The following BLOC1S4 variants were observed in gnomAD, a reference collection of about 807,000 sequenced individuals.
The protein encoded by BLOC1S4 is biogenesis of lysosome-related organelles complex 1 subunit 4.
For synonymous variants in BLOC1S4, 179 were observed against 143.7 expected, an observed-to-expected ratio of 1.25 and a Z score of -1.76; for missense variants, 332 against 308.8, an observed-to-expected ratio of 1.07 and a Z score of -0.56.
chr4:6,717,592 G>T lies in BLOC1S4; in HGVS notation c.*729G>T. On this transcript the variant is annotated 3_prime_UTR_variant, in exon 1 of 1. Transcript: ENST00000320776. ...GTGTGTGTATATATATATGTGGGTT[G>T]CCAATGTTTGGTTTATAATTTAAAT... The T allele has an allele frequency of 6.0e-6, 1 of 166,408 alleles. No individual in the cohort carries two copies. The allele number at this position is 166,408 out of a possible 1,614,324, so 10.3% of individuals were successfully genotyped here.
In BLOC1S4 at chr4:6,716,245, G is replaced by A; in HGVS notation, c.36G>A (p.Pro12=). 3.2e-6 allele frequency: 4 copies of A among 1,234,138 alleles called. No homozygotes were observed. The highest frequency in any genetic ancestry group is 4.0e-6 in the Non-Finnish European group (4 of 988,060). 76.4% of individuals were successfully genotyped at this position (1,234,138 alleles called of 1,614,324 possible). A position where few individuals can be genotyped will look rare whatever the true frequency, so the allele number is the denominator to read the frequency against. ...EGSFSDGGAL[P]EGLAEEAEPQ... ...GCTTTTCGGATGGCGGAGCGCTGCC[G>A]GAGGGGCTCGCGGAAGAGGCCGAGC... Residue 12 remains proline (P), a synonymous_variant, in exon 1 of 1, where the codon CCG becomes CCA. Transcript: ENST00000320776.
rs552057035 is a variant in BLOC1S4 at position 6,717,044 on chromosome 4, C to A, written c.*181C>A. On this transcript the variant is annotated 3_prime_UTR_variant, in exon 1 of 1. Transcript: ENST00000320776. Reference sequence around the variant, plus strand: ...GTAGAATGTATAGACTTTATGTCTTCCAAGTTTAAAAAAAGAGACAGGGTC... The same window carrying A: ...GTAGAATGTATAGACTTTATGTCTTACAAGTTTAAAAAAAGAGACAGGGTC... 8 of 616,216 alleles carry A rather than the reference C, an allele frequency of 1.3e-5. No individual in the cohort carries two copies. The South Asian group carries it at 1.6e-4, about 12-fold the overall frequency. 38.2% of individuals were successfully genotyped at this position (616,216 alleles called of 1,614,324 possible). A position where few individuals can be genotyped will look rare whatever the true frequency, so the allele number is the denominator to read the frequency against.
Position 6,716,871 on chromosome 4 carries a change from A to G in BLOC1S4, c.*8A>G. 1.3e-6 allele frequency: 2 copies of G among 1,577,912 alleles called. No individual in the cohort carries two copies. Among genetic ancestry groups the G allele is most frequent in the Admixed American group, 3.5e-5 (2 of 57,114 alleles). ...GAAAGGCCTCAGCTCTGACGGCCTG[A>G]CCACTGCGGCAAGAGGACCCCAGCT... On this transcript the variant is annotated 3_prime_UTR_variant, in exon 1 of 1. Coordinates refer to ENST00000320776, the MANE Select transcript of BLOC1S4 (RefSeq NM_018366.3).
At position 6,716,390 on chromosome 4, in the gene BLOC1S4, C is replaced by T; in HGVS notation, c.181C>T (p.Leu61Phe). ...DGAPGRDLPL[L>F]RRAAAGYAAC... ...CGCGCCGGGCCGCGACCTGCCGCTG[C>T]TTCGCCGCGCCGCTGCGGGCTACGC... The change falls in exon 1 of 1, where the codon CTT becomes TTT. Residue 61 changes from leucine to phenylalanine, a missense_variant. Physicochemically the swap from Leu to Phe is conservative, Grantham distance 22 (BLOSUM62 0). Coordinates refer to ENST00000320776, the MANE Select transcript of BLOC1S4 (RefSeq NM_018366.3). The T allele has an allele frequency of 2.4e-6, 3 of 1,250,882 alleles. No individual in the cohort carries two copies. The highest frequency in any genetic ancestry group is 3.0e-6 in the Non-Finnish European group (3 of 1,000,906). The allele number at this position is 1,250,882 out of a possible 1,614,324, so 77.5% of individuals were successfully genotyped here.
chr4:6,716,326 C>A lies in BLOC1S4; in HGVS notation c.117C>A (p.Ser39Arg). Residue 39 changes from serine to arginine, a missense_variant, in exon 1 of 1, where the codon AGC (serine) becomes AGA (arginine). Physicochemically the swap from Ser to Arg is moderately radical, Grantham distance 110. Transcript: ENST00000320776. ...DSGTVSQSHS[S>R]ASGPWEDEGA... ...GCACTGTTTCCCAGAGCCACAGCAG[C>A]GCCTCGGGGCCGTGGGAGGACGAGG... 1 of 1,233,684 alleles carries A rather than the reference C, an allele frequency of 8.1e-7. No homozygotes were observed. Among genetic ancestry groups the A allele is most frequent in the African/African-American group, 1.6e-5 (1 of 64,330 alleles). The allele number at this position is 1,233,684 out of a possible 1,614,324, so 76.4% of individuals were successfully genotyped here.
chr4:6,717,045 C>T lies in BLOC1S4; in HGVS notation c.*182C>T. 2 of 606,106 alleles carry T rather than the reference C, an allele frequency of 3.3e-6. No individual in the cohort carries two copies. Among genetic ancestry groups the T allele is most frequent in the Non-Finnish European group, 5.6e-6 (2 of 359,360 alleles). The allele number at this position is 606,106 out of a possible 1,614,324, so 37.5% of individuals were successfully genotyped here. On this transcript the variant is annotated 3_prime_UTR_variant, in exon 1 of 1. Coordinates refer to ENST00000320776, the MANE Select transcript of BLOC1S4 (RefSeq NM_018366.3). ...TAGAATGTATAGACTTTATGTCTTC[C>T]AAGTTTAAAAAAAGAGACAGGGTCT...
chr4:6,716,874 A>T lies in BLOC1S4; in HGVS notation c.*11A>T. ...AGGCCTCAGCTCTGACGGCCTGACCACTGCGGCAAGAGGACCCCAGCTGGG... is the reference window on the plus strand; with the variant it reads ...AGGCCTCAGCTCTGACGGCCTGACCTCTGCGGCAAGAGGACCCCAGCTGGG... On this transcript the variant is annotated 3_prime_UTR_variant, in exon 1 of 1. Coordinates refer to ENST00000320776, the MANE Select transcript of BLOC1S4 (RefSeq NM_018366.3). 1.3e-6 allele frequency: 2 copies of T among 1,574,960 alleles called. No homozygotes were observed.
At position 6,716,649 on chromosome 4, in the gene BLOC1S4, G is replaced by A. The variant is rs774664307; in HGVS notation, c.440G>A (p.Gly147Asp). 21 of 1,609,714 alleles carry A rather than the reference G, an allele frequency of 1.3e-5. No homozygotes were observed. The Middle Eastern group carries it at 8.2e-4, about 63-fold the overall frequency. The part of the protein sequence containing the change: ...RLEAFVRMVG[G>D]RVARMEEQVT... ...GAGGCCTTCGTGAGGATGGTGGGGG[G>A]CCGCGTGGCCAGGATGGAGGAGCAG... The change falls in exon 1 of 1, where the codon GGC becomes GAC. Residue 147 changes from glycine (G) to aspartate (D), a missense_variant. Transcript: ENST00000320776.
rs1714922591 is a variant in BLOC1S4 at position 6,716,812 on chromosome 4, G to T, written c.603G>T (p.Leu201=). The T allele has an allele frequency of 6.2e-7, 1 of 1,613,056 alleles. No homozygotes were observed. Among genetic ancestry groups the T allele is most frequent in the Non-Finnish European group, 8.5e-7 (1 of 1,179,218 alleles). The change falls in exon 1 of 1, where the codon CTG becomes CTT. Residue 201 remains leucine (L), a synonymous_variant. Transcript: ENST00000320776. ...PQQAGYEAPV[L]FRTEDYFPCC... is the part of the protein sequence containing the mutation. ...AAGCCGGCTACGAAGCCCCCGTCCT[G>T]TTTCGGACCGAAGACTACTTCCCTT...
rs773805871 is a variant in BLOC1S4 at position 6,716,546 on chromosome 4, G to GTCGTCA, written c.338_343dup (p.Val114_Ser115insIleVal). ...CATGCTTCGCGGCGACTCGTCCCAC[G>GTCGTCA]TCGTCAGCGAGGGCGTGCCGCGCAT... On this transcript the variant is annotated inframe_insertion, in exon 1 of 1. Transcript: ENST00000320776. The GTCGTCA allele has an allele frequency of 2.6e-5, 41 of 1,564,520 alleles. No homozygotes were observed. The highest frequency in any genetic ancestry group is 3.4e-5 in the Non-Finnish European group (40 of 1,160,000).
rs1328099903 is a variant in BLOC1S4 at position 6,716,998 on chromosome 4, G to A, written c.*135G>A. 2 of 780,156 alleles carry A rather than the reference G, an allele frequency of 2.6e-6. No individual in the cohort carries two copies. Among genetic ancestry groups the A allele is most frequent in the Admixed American group, 3.0e-5 (1 of 33,750 alleles). 48.3% of individuals were successfully genotyped at this position (780,156 alleles called of 1,614,324 possible). ...AAAGTTTACTTTCTACAAACTCTCCGTAGTATATTCATGATTCAGTGTAGA... is the reference window on the plus strand; with the variant it reads ...AAAGTTTACTTTCTACAAACTCTCCATAGTATATTCATGATTCAGTGTAGA... On this transcript the variant is annotated 3_prime_UTR_variant, in exon 1 of 1. Transcript: ENST00000320776.
In BLOC1S4 at chr4:6,716,564, C is replaced by G; in HGVS notation, c.355C>G (p.Pro119Ala). 1 of 1,580,544 alleles carries G rather than the reference C, an allele frequency of 6.3e-7. No individual in the cohort carries two copies. The highest frequency in any genetic ancestry group is 1.1e-5 in the South Asian group (1 of 87,826). The change falls in exon 1 of 1, where the codon CCG (proline) becomes GCG (alanine). Residue 119 changes from proline to alanine, a missense_variant. Pro to Ala is a conservative substitution (Grantham distance 27). Coordinates refer to ENST00000320776, the MANE Select transcript of BLOC1S4 (RefSeq NM_018366.3). ...DSSHVVSEGV[P>A]RIHAKAAEMR... ...GTCCCACGTCGTCAGCGAGGGCGTG[C>G]CGCGCATCCACGCGAAGGCCGCCGA...
rs553865274 is a variant in BLOC1S4 at position 6,717,288 on chromosome 4, C to T, written c.*425C>T. 5.9e-4 allele frequency: 100 copies of T among 169,300 alleles called. No homozygotes were observed. Among genetic ancestry groups the T allele is most frequent in the Non-Finnish European group, 1.2e-3 (85 of 69,722 alleles). The allele number at this position is 169,300 out of a possible 1,614,324, so 10.5% of individuals were successfully genotyped here. On this transcript the variant is annotated 3_prime_UTR_variant, in exon 1 of 1. Coordinates refer to ENST00000320776, the MANE Select transcript of BLOC1S4 (RefSeq NM_018366.3). ...TATTTTTATGGATTTTACTAAATGG[C>T]GTTACCTTTTCAAGATTTATATGTT...
chr4:6,716,495 G>C lies in BLOC1S4; in HGVS notation c.286G>C (p.Val96Leu), dbSNP rs1370238544. Residue 96 changes from valine to leucine, a missense_variant, in exon 1 of 1, where the codon GTG becomes CTG. Physicochemically the swap from Val to Leu is conservative, Grantham distance 32 (BLOSUM62 1). Transcript: ENST00000320776. ...DASLEDLLTRVDEFVGMLDML... is the reference protein window; with the variant it reads ...DASLEDLLTRLDEFVGMLDML... ...GAGCCTAGAGGACCTGCTTACCAGA[G>C]TGGACGAGTTCGTGGGCATGCTGGA... 1 of 1,538,154 alleles carries C rather than the reference G, an allele frequency of 6.5e-7. No individual in the cohort carries two copies. Among genetic ancestry groups the C allele is most frequent in the East Asian group, 2.4e-5 (1 of 40,918 alleles).
Position 6,716,586 on chromosome 4 carries a change from C to G in BLOC1S4, c.377C>G (p.Ala126Gly). 6.3e-7 allele frequency: 1 copy of G among 1,598,180 alleles called. No homozygotes were observed. The highest frequency in any genetic ancestry group is 8.5e-7 in the Non-Finnish European group (1 of 1,176,224). Reference sequence around the variant, plus strand: ...GTGCCGCGCATCCACGCGAAGGCCGCCGAGATGCGGCGCATCTACAGCAGG... The same window carrying G: ...GTGCCGCGCATCCACGCGAAGGCCGGCGAGATGCGGCGCATCTACAGCAGG... ...EGVPRIHAKAAEMRRIYSRID... is the reference protein window; with the variant it reads ...EGVPRIHAKAGEMRRIYSRID... The change falls in exon 1 of 1, where the codon GCC becomes GGC. Residue 126 changes from alanine to glycine, a missense_variant. Coordinates refer to ENST00000320776, the MANE Select transcript of BLOC1S4 (RefSeq NM_018366.3).
At position 6,716,596 on chromosome 4, in the gene BLOC1S4, G is replaced by T; in HGVS notation, c.387G>T (p.Arg129=). Residue 129 remains arginine (R), a synonymous_variant, in exon 1 of 1, where the codon CGG becomes CGT. Transcript: ENST00000320776. ...TCCACGCGAAGGCCGCCGAGATGCG[G>T]CGCATCTACAGCAGGATCGACCGGC... ...PRIHAKAAEM[R]RIYSRIDRLE... is the part of the protein sequence containing the mutation. 1 of 1,603,254 alleles carries T rather than the reference G, an allele frequency of 6.2e-7. No individual in the cohort carries two copies. Among genetic ancestry groups the T allele is most frequent in the East Asian group, 2.2e-5 (1 of 44,716 alleles).
Position 6,716,794 on chromosome 4 carries a change from C to G in BLOC1S4, c.585C>G (p.Gly195=). Residue 195 remains glycine, a synonymous_variant, in exon 1 of 1, where the codon GGC becomes GGG. Coordinates refer to ENST00000320776, the MANE Select transcript of BLOC1S4 (RefSeq NM_018366.3). ...CTCCCTCGAGGCCACAGCAAGCCGG[C>G]TACGAAGCCCCCGTCCTGTTTCGGA... ...KSAPSRPQQA[G]YEAPVLFRTE... 6.2e-7 allele frequency: 1 copy of G among 1,614,024 alleles called. No homozygotes were observed. The highest frequency in any genetic ancestry group is 8.5e-7 in the Non-Finnish European group (1 of 1,179,898).
rs1226898754 is a variant in BLOC1S4 at position 6,716,549 on chromosome 4, G to T, written c.340G>T (p.Val114Phe). ...DMLRGDSSHV[V>F]SEGVPRIHAK... ...GCTTCGCGGCGACTCGTCCCACGTC[G>T]TCAGCGAGGGCGTGCCGCGCATCCA... The change falls in exon 1 of 1, where the codon GTC (valine) becomes TTC (phenylalanine). Residue 114 changes from valine to phenylalanine, a missense_variant. Coordinates refer to ENST00000320776, the MANE Select transcript of BLOC1S4 (RefSeq NM_018366.3). The T allele has an allele frequency of 6.4e-7, 1 of 1,566,918 alleles. No homozygotes were observed. Among genetic ancestry groups the T allele is most frequent in the South Asian group, 1.2e-5 (1 of 86,570 alleles).
chr4:6,716,890 C>T lies in BLOC1S4; in HGVS notation c.*27C>T. On this transcript the variant is annotated 3_prime_UTR_variant, in exon 1 of 1. Coordinates refer to ENST00000320776, the MANE Select transcript of BLOC1S4 (RefSeq NM_018366.3). ...GGCCTGACCACTGCGGCAAGAGGACCCCAGCTGGGGTGCTTACCTCCAGTA... is the reference window on the plus strand; with the variant it reads ...GGCCTGACCACTGCGGCAAGAGGACTCCAGCTGGGGTGCTTACCTCCAGTA... 1 of 1,555,926 alleles carries T rather than the reference C, an allele frequency of 6.4e-7. No individual in the cohort carries two copies. Among genetic ancestry groups the T allele is most frequent in the Non-Finnish European group, 8.7e-7 (1 of 1,144,548 alleles).
Sources: gnomAD v4.1 joint callset for allele counts on GRCh38, gnomAD v4.1.1 for gene constraint, MANE v1.5 for transcripts, NCBI Gene and HGNC (gene_info 2026-07-23, HGNC 2026-07-21) for gene names.